Variants in DSE observed in about 807,000 individuals in gnomAD.
DSE encodes dermatan sulfate epimerase.
A neutral mutation model predicts 84.4 loss-of-function variants in DSE; 36 were observed. The observed-to-expected ratio is 0.43, with a 90% CI of 0.33 to 0.56. The LOEUF (loss-of-function observed/expected upper bound fraction) is 0.56, where lower values mean the gene tolerates loss of function less well. Ranked by LOEUF, DSE falls within the 20% of genes least tolerant of loss-of-function variation. The pLI is 0.06. For synonymous variants in DSE, 410 were observed against 430.1 expected (o/e 0.95, Z 0.58); for missense variants, 862 against 1,169.6 (o/e 0.74, Z 3.84).
chr6:116,403,462 G>T (rs867787561), intron 2 of DSE, among the ~76,000 whole-genome samples: 1 of 151,218 alleles, frequency 6.6e-6, no homozygotes. Flanking sequence ...AAAAATATCA[G>T]CAATAAAGTT....
chr6:116,437,478 C>T lies in DSE; in HGVS notation c.*133C>T. 3 of 828,076 alleles carry T rather than the reference C, an allele frequency of 3.6e-6. No individual in the cohort carries two copies. The highest frequency in any genetic ancestry group is 5.6e-5 in the East Asian group (2 of 35,708). 51.3% of individuals were successfully genotyped at this position (828,076 alleles called of 1,614,324 possible). A position where few individuals can be genotyped will look rare whatever the true frequency, so the allele number is the denominator to read the frequency against. On this transcript the variant is annotated 3_prime_UTR_variant, in exon 6 of 6. Coordinates refer to ENST00000644252, the MANE Select transcript of DSE (RefSeq NM_013352.4). Reference sequence around the variant, plus strand: ...AACAAATTAAGGGAAGATATTTTGACACAAGAAAGCAGGAACGTGGAGAAA... The same window carrying T: ...AACAAATTAAGGGAAGATATTTTGATACAAGAAAGCAGGAACGTGGAGAAA...
intron 2 of DSE, among the ~76,000 whole-genome samples, chr6:116,270,050 A>G (rs185517251): frequency 1.3e-5 from 2 of 152,292 alleles, no homozygotes; most frequent in Admixed American, 1.3e-4. Flanking sequence ...CTAAATACAA[A>G]TAAATAGAGA....
intron 2 of DSE, among the ~76,000 whole-genome samples, chr6:116,413,122 T>C (rs994213846): frequency 6.6e-5 from 10 of 152,142 alleles, no homozygotes; most frequent in Admixed American, 2.0e-4. Context: ...GTTGATTCTG[T>C]GTTTTTGCTG....
At chr6:116,377,406 G>T (rs1418801138) in intron 1 of DSE, among the ~76,000 whole-genome samples, 1 of 152,154 alleles carries the variant, frequency 6.6e-6, no homozygotes, top group Non-Finnish European at 1.5e-5. Flanking sequence ...TCAAATGGCT[G>T]TTGCAAGAAA....
At chr6:116,323,721 AAT>A (rs1426964766) in intron 2 of DSE, among the ~76,000 whole-genome samples, 6 of 152,244 alleles carry the variant, frequency 3.9e-5, no homozygotes, top group African/African-American at 1.2e-4. Flanking sequence ...AAATATGTTT[AAT>A]AGCATTTCAG....
At chr6:116,300,341 T>C (rs1202212766) in intron 2 of DSE, among the ~76,000 whole-genome samples, 1 of 152,184 alleles carries the variant, frequency 6.6e-6, no homozygotes, top group Non-Finnish European at 1.5e-5. Flanking sequence ...CTCATTTCCT[T>C]CCATATTTGA....
chr6:116,421,748 A>C (rs1402275523), intron 2 of DSE, among the ~76,000 whole-genome samples: 1 of 152,030 alleles, frequency 6.6e-6, no homozygotes, highest in Non-Finnish European at 1.5e-5. Context: ...GGCATAAGCC[A>C]CTGTACCCAG....
chr6:116,399,632 G>A lies in DSE; in HGVS notation c.382G>A (p.Asp128Asn), dbSNP rs1393500978. 6.2e-7 allele frequency: 1 copy of A among 1,614,078 alleles called. No individual in the cohort carries two copies. The highest frequency in any genetic ancestry group is 2.2e-5 in the East Asian group (1 of 44,898). ...CATTGAAGCCCGAGACATGGCCAAA[G>A]ACTACATGGAGAGGATGGCAGCGCA... ...ENIEARDMAK[D>N]YMERMAAQPS... The change falls in exon 2 of 6, where the codon GAC becomes AAC. Residue 128 changes from aspartate to asparagine, a missense_variant. Transcript: ENST00000644252.
intron 2 of DSE, among the ~76,000 whole-genome samples, chr6:116,349,222 C>CAT (rs1357308235): frequency 1.3e-5 from 2 of 152,080 alleles, no homozygotes; most frequent in Non-Finnish European, 2.9e-5. Context: ...CACACACACC[C>CAT]ATATACATAC....
chr6:116,324,608 G>A (rs955466638), intron 2 of DSE, among the ~76,000 whole-genome samples: 1 of 152,144 alleles, frequency 6.6e-6, no homozygotes, highest in African/African-American at 2.4e-5. Flanking sequence ...GTGTGCAGGG[G>A]TATATGTAAA....
upstream of DSE, among the ~76,000 whole-genome samples, chr6:116,368,952 C>G (rs1346160714): frequency 6.8e-6 from 1 of 147,754 alleles, no homozygotes; most frequent in Non-Finnish European, 1.5e-5. Context: ...ACGGGGGGGG[C>G]TTTGCACAAA....
rs1179123022 is a variant in DSE, at chr6:116,444,253, C to A, written c.*6908C>A. ...ACAGTTGAAATATCAATTGCAATAA[C>A]AACTGAAAACTGATTGCTATTACTG... On this transcript the variant is annotated 3_prime_UTR_variant, in exon 6 of 6. Coordinates refer to ENST00000644252, the MANE Select transcript of DSE (RefSeq NM_013352.4). The A allele has an allele frequency of 1.3e-5, 2 of 152,146 alleles. No individual in the cohort carries two copies. Among genetic ancestry groups the A allele is most frequent in the African/African-American group, 4.8e-5 (2 of 41,424 alleles). The allele number at this position is 152,146 out of a possible 1,614,324, so 9.4% of individuals were successfully genotyped here.
At chr6:116,428,255 A>G (rs1269510277) in intron 3 of DSE, among the ~76,000 whole-genome samples, 2 of 152,142 alleles carry the variant, frequency 1.3e-5, no homozygotes, top group Non-Finnish European at 2.9e-5. Flanking sequence ...ACAATGTGAG[A>G]ATCCACTAAC....
intron 1 of DSE, among the ~76,000 whole-genome samples, chr6:116,379,692 C>T (rs1372935571): frequency 1.3e-5 from 2 of 152,102 alleles, no homozygotes; most frequent in African/African-American, 4.8e-5. Flanking sequence ...TTGTTACAGT[C>T]CCAAGATATT....
chr6:116,430,725 TGGA>T (rs1282641453), intron 3 of DSE, among the ~76,000 whole-genome samples: 1 of 152,182 alleles, frequency 6.6e-6, no homozygotes, highest in Non-Finnish European at 1.5e-5. Flanking sequence ...GTAATTTTAG[TGGA>T]GACAGTGTTT....
At position 116,309,316 on chromosome 6, in the gene DSE, A is replaced by C. The variant is rs1206910770; in HGVS notation, c.-54+50349A>C. Among the ~76,000 whole-genome samples, 5 of 131,992 alleles carry C rather than the reference A, an allele frequency of 3.8e-5. No individual in the cohort carries two copies. The East Asian group carries it at 7.8e-4, about 21-fold the overall frequency. 86.6% of individuals were successfully genotyped at this position (131,992 alleles called of 152,430 possible). On this transcript the variant is annotated intron_variant, in intron 2 of 3. Transcript: ENST00000430252. ...TAGTCATTATATATTTGGAATACAC[A>C]TACATACATACATACATACATACAT...
intron 2 of DSE, among the ~76,000 whole-genome samples, chr6:116,355,436 T>G (rs1778520838): frequency 6.6e-6 from 1 of 152,212 alleles, no homozygotes; most frequent in South Asian, 2.1e-4. Flanking sequence ...TCTACTCCAA[T>G]TAGGCCACAG....
At chr6:116,333,596 A>G (rs904678361) in intron 2 of DSE, among the ~76,000 whole-genome samples, 14 of 152,204 alleles carry the variant, frequency 9.2e-5, no homozygotes, top group Non-Finnish European at 1.3e-4. Context: ...TATGGTATGT[A>G]CATATCTACT....
intron 2 of DSE, among the ~76,000 whole-genome samples, chr6:116,318,775 C>T (rs1299716678): frequency 2.0e-5 from 3 of 151,824 alleles, no homozygotes; most frequent in Non-Finnish European, 4.4e-5. Flanking sequence ...AAGGAAATAC[C>T]CAAAGAGTAA....
Sources: allele counts gnomAD v4.1 joint callset (sites outside exome capture counted in the v4.1 genomes callset), GRCh38; gene constraint gnomAD v4.1.1; transcripts MANE v1.5; gene names NCBI Gene and HGNC (gene_info 2026-07-23, HGNC 2026-07-21).